Variants in CALN1 observed in about 807,000 individuals in gnomAD.
CALN1 encodes the protein calcium-binding protein 8.
CALN1 carries 17 observed loss-of-function variants against 30.6 expected under a neutral mutation model. The observed-to-expected ratio is 0.56, with a 90% CI of 0.38 to 0.83. The LOEUF (loss-of-function observed/expected upper bound fraction) is 0.83. Among genes scored for constraint, CALN1 ranks in the 40% least tolerant of loss-of-function variants. The pLI, the probability that CALN1 is intolerant of heterozygous loss-of-function variation, is 0.00. For missense variants in CALN1, 291 were observed against 354.9 expected (o/e 0.82, Z 1.45); for synonymous variants, 156 against 131.4 (o/e 1.19, Z -1.28).
intron 6 of CALN1, among the ~76,000 whole-genome samples, chr7:71,807,760 T>A (rs1787703888): frequency 6.6e-6 from 1 of 151,918 alleles, no homozygotes. Flanking sequence ...GCTAACATGG[T>A]AAAACCCCAT....
the CALN1 span, among the ~76,000 whole-genome samples, chr7:72,484,844 G>T: frequency 1.3e-5 from 2 of 152,096 alleles, no homozygotes; most frequent in Non-Finnish European, 2.9e-5. Context: ...TAGGGATAAT[G>T]GGCCCTTCTT....
chr7:71,791,466 C>T (rs150942429), intron 6 of CALN1, among the ~76,000 whole-genome samples: 603 of 152,142 alleles, frequency 4.0e-3, no homozygotes, highest in African/African-American at 0.014. Flanking sequence ...AATCAAATAC[C>T]GCATGTTCTC....
chr7:72,390,514 G>T (rs1432357928), intron 2 of CALN1, among the ~76,000 whole-genome samples: 2 of 152,270 alleles, frequency 1.3e-5, no homozygotes, highest in South Asian at 2.1e-4. Flanking sequence ...CAGCCAGGGG[G>T]CCCAAGAATA....
chr7:71,990,611 CCCGG>C (rs1236989164), intron 5 of CALN1, among the ~76,000 whole-genome samples: 4 of 152,158 alleles, frequency 2.6e-5, no homozygotes, highest in Admixed American at 2.0e-4. Context: ...CATCACCACG[CCCGG>C]CTAAGTTTTG....
intron 1 of CALN1, among the ~76,000 whole-genome samples, chr7:72,423,951 AAGGGAGGG>A (rs201015686): frequency 0.017 from 1,725 of 104,104 alleles, 45 homozygotes; most frequent in African/African-American, 0.057. Flanking sequence ...AGAAAGAAAG[AAGGGAGGG>A]AGGGAGGGAG....
At chr7:72,113,728 T>G (rs546449648) in intron 3 of CALN1, among the ~76,000 whole-genome samples, 91 of 152,378 alleles carry the variant, frequency 6.0e-4, no homozygotes, top group African/African-American at 2.1e-3. Flanking sequence ...ATGGAATAAT[T>G]GTGACAGGAA....
At chr7:72,474,947 T>G in the CALN1 span, among the ~76,000 whole-genome samples, 3 of 152,132 alleles carry the variant, frequency 2.0e-5, no homozygotes, top group African/African-American at 7.2e-5. Flanking sequence ...ATTACTTCTG[T>G]GCTTACTTCG....
In CALN1 at chr7:71,953,476, CTCT is replaced by C. The variant is rs142718504; in HGVS notation, c.501+70178_501+70180del. Among the ~76,000 whole-genome samples the C allele has an allele frequency of 4.9e-3, 747 of 152,206 alleles. 8 individuals are homozygous for C. The highest frequency in any genetic ancestry group is 7.4e-3 in the Non-Finnish European group (503 of 68,030). On this transcript the variant is annotated intron_variant, in intron 5 of 6. Coordinates refer to ENST00000395275, the MANE Select transcript of CALN1 (RefSeq NM_031468.4). The stretch of plus-strand genomic sequence containing the variant: ...ATTGGCAGGAGAAAGATATAGTCAC[CTCT>C]TCTTCTCCTTTATATACTGTCAAGG...
rs1296688169 is a variant in CALN1 at position 71,787,786 on chromosome 7, C to T, written c.775G>A (p.Gly259Ser). Residue 259 changes from glycine (G) to serine (S), a missense_variant, in exon 7 of 7, where the codon GGC becomes AGC. Transcript: ENST00000395275. ...LIAANQILRSGME is the reference protein window; with the variant it reads ...LIAANQILRSSME ...CTGGCGGGAGGCTGCTACTCCATGC[C>T]GCTCCGGAGTATCTGGTTGGCTGCA... The T allele has an allele frequency of 5.6e-6, 9 of 1,613,862 alleles. No homozygotes were observed. Among genetic ancestry groups the T allele is most frequent in the Non-Finnish European group, 6.8e-6 (8 of 1,180,004 alleles).
At chr7:72,407,427 A>G (rs925370295) in intron 1 of CALN1, among the ~76,000 whole-genome samples, 1 of 152,204 alleles carries the variant, frequency 6.6e-6, no homozygotes, top group African/African-American at 2.4e-5. Context: ...AGGTGACTGG[A>G]TCACGGGGGT....
At chr7:72,338,936 C>T (rs1343170413) in intron 2 of CALN1, among the ~76,000 whole-genome samples, 2 of 150,944 alleles carry the variant, frequency 1.3e-5, no homozygotes, top group African/African-American at 4.9e-5. Context: ...ACCATCCCTA[C>T]CTACCCAACC....
chr7:71,905,701 AGTCACCAGAGGTACCTG>A (rs2116968892), intron 5 of CALN1, among the ~76,000 whole-genome samples: 1 of 152,270 alleles, frequency 6.6e-6, no homozygotes, highest in Non-Finnish European at 1.5e-5. Flanking sequence ...TTAGGAATCC[AGTCACCAGAGGTACCTG>A]GAATATGTCC....
intron 2 of CALN1, among the ~76,000 whole-genome samples, chr7:72,320,342 TCGAG>T: frequency 6.6e-6 from 1 of 151,790 alleles, no homozygotes; most frequent in African/African-American, 2.4e-5. Flanking sequence ...GTCCAGTGAG[TCGAG>T]CCTGAAGTGC....
At chr7:71,825,659 A>T (rs1235038870) in intron 5 of CALN1, among the ~76,000 whole-genome samples, 1 of 152,082 alleles carries the variant, frequency 6.6e-6, no homozygotes, top group Non-Finnish European at 1.5e-5. Flanking sequence ...CGTACCTTGG[A>T]CAAGACTGCT....
intron 5 of CALN1, among the ~76,000 whole-genome samples, chr7:71,964,557 G>A (rs1285873443): frequency 6.6e-6 from 1 of 151,984 alleles, no homozygotes; most frequent in African/African-American, 2.4e-5. Context: ...CTCTCAGCAA[G>A]ATCATTAATA....
At chr7:72,430,172 C>T (rs1807928667) in intron 1 of CALN1, among the ~76,000 whole-genome samples, 1 of 147,910 alleles carries the variant, frequency 6.8e-6, no homozygotes, top group South Asian at 2.1e-4. Context: ...TATATATAAT[C>T]GTATATTTAT....
chr7:72,174,652 G>A (rs1789206973), intron 3 of CALN1, among the ~76,000 whole-genome samples: 1 of 152,106 alleles, frequency 6.6e-6, no homozygotes, highest in African/African-American at 2.4e-5. Context: ...AGACACAAGA[G>A]TATATATATT....
intron 5 of CALN1, among the ~76,000 whole-genome samples, chr7:71,940,387 G>A (rs778096218): frequency 3.9e-5 from 6 of 152,150 alleles, no homozygotes; most frequent in South Asian, 2.1e-4. Context: ...TGAGTACCAC[G>A]ATCTCAATGC....
intron 4 of CALN1, among the ~76,000 whole-genome samples, chr7:72,066,791 T>A (rs1804052488): frequency 6.6e-6 from 1 of 151,818 alleles, no homozygotes; most frequent in South Asian, 2.1e-4. Context: ...TATTTTATTT[T>A]TTTTTTTTGA....
Sources: gnomAD v4.1 joint callset for allele counts (sites outside exome capture counted in the v4.1 genomes callset) on GRCh38, gnomAD v4.1.1 for gene constraint, MANE v1.5 for transcripts, NCBI Gene and HGNC (gene_info 2026-07-23, HGNC 2026-07-21) for gene names.